DSC3: variants seen among roughly 807,000 people sequenced by gnomAD.
The protein encoded by DSC3 is desmocollin 3.
A neutral mutation model predicts 89.5 loss-of-function variants in DSC3; 97 were observed. That is an observed-to-expected ratio of 1.08 (90% CI 0.92 to 1.28). The LOEUF (loss-of-function observed/expected upper bound fraction) is 1.28. Ranked by LOEUF, DSC3 falls within the 50% of genes most tolerant of loss-of-function variation. DSC3 has a pLI of 0.00. For synonymous variants in DSC3, 436 were observed against 384.1 expected (o/e 1.14, Z -1.58); for missense variants, 1,199 against 1,085.3 (o/e 1.10, Z -1.47).
Position 31,034,264 on chromosome 18 carries a change from T to C in DSC3, c.70-1988A>G, listed in dbSNP as rs564167154. ...ATTATCCCAAAAAAAGATATTAAAA[T>C]GGCCAAAAAGTAGATGAAAAGATGC... On this transcript the variant is annotated intron_variant, in intron 1 of 15. Coordinates refer to ENST00000360428, the MANE Select transcript of DSC3 (RefSeq NM_001941.5). Among the ~76,000 whole-genome samples the C allele has an allele frequency of 1.8e-4, 27 of 152,174 alleles. No homozygotes were observed. In the South Asian group the frequency reaches 5.4e-3, roughly 30 times the overall value.
intron 14 of DSC3, among the ~76,000 whole-genome samples, chr18:31,001,019 T>A (rs995192551): frequency 1.1e-4 from 17 of 149,212 alleles, no homozygotes; most frequent in Admixed American, 1.1e-3. Flanking sequence ...ACTTTGTGTG[T>A]ATATATATAT....
Position 30,990,848 on chromosome 18 carries a change from T to C in DSC3, c.*3327A>G, listed in dbSNP as rs1273543197. The C allele has an allele frequency of 3.3e-5, 5 of 152,216 alleles. No individual in the cohort carries two copies. Among genetic ancestry groups the C allele is most frequent in the African/African-American group, 4.8e-5 (2 of 41,448 alleles). 9.4% of individuals were successfully genotyped at this position (152,216 alleles called of 1,614,324 possible). A position where few individuals can be genotyped will look rare whatever the true frequency, so the allele number is the denominator to read the frequency against. Reference sequence around the variant, plus strand: ...TATTATACATATGTATCATAGATACTCATCTGTAAAGCTGTGCTTCAAAAT... The same window carrying C: ...TATTATACATATGTATCATAGATACCCATCTGTAAAGCTGTGCTTCAAAAT... On this transcript the variant is annotated 3_prime_UTR_variant, in exon 16 of 16. Coordinates refer to ENST00000360428, the MANE Select transcript of DSC3 (RefSeq NM_001941.5).
In DSC3 at chr18:30,998,429, A is replaced by G. The variant is rs145266912; in HGVS notation, c.2236-1381T>C. On this transcript the variant is annotated intron_variant, in intron 14 of 15. Coordinates refer to ENST00000360428, the MANE Select transcript of DSC3 (RefSeq NM_001941.5). ...GAGAGTGAGCAACTAAAGTTTGAAC[A>G]TGGTAAACATTAGAAACATGTGGGA... Among the ~76,000 whole-genome samples the G allele has an allele frequency of 2.0e-5, 3 of 152,342 alleles. No homozygotes were observed. In the East Asian group the frequency reaches 5.8e-4, roughly 29 times the overall value.
At position 31,008,543 on chromosome 18, in the gene DSC3, T is replaced by C. The variant is rs1038373054; in HGVS notation, c.1264-18A>G. 11 of 1,613,102 alleles carry C rather than the reference T, an allele frequency of 6.8e-6. No homozygotes were observed. The highest frequency in any genetic ancestry group is 8.5e-6 in the Non-Finnish European group (10 of 1,179,976). On this transcript the variant is annotated intron_variant, in intron 9 of 15. Transcript: ENST00000360428. The stretch of plus-strand genomic sequence containing the variant: ...TTCAGTGGCTTTAAAATAAAGTCCA[T>C]GTATATCAGTGTCAGTGTAAAATAC...
chr18:31,034,708 C>G (rs1985915421), intron 1 of DSC3, among the ~76,000 whole-genome samples: 1 of 152,046 alleles, frequency 6.6e-6, no homozygotes, highest in Admixed American at 6.6e-5. Flanking sequence ...AAAACATACT[C>G]GGTGAAAGAA....
intron 9 of DSC3, among the ~76,000 whole-genome samples, chr18:31,010,611 C>T (rs925999264): frequency 5.3e-5 from 8 of 152,128 alleles, no homozygotes; most frequent in African/African-American, 1.7e-4. Context: ...CCTCAGGGTA[C>T]GTTTTTGTTT....
chr18:31,001,391 A>G (rs1253124654), intron 14 of DSC3, among the ~76,000 whole-genome samples: 2 of 152,014 alleles, frequency 1.3e-5, no homozygotes, highest in African/African-American at 4.8e-5. Context: ...AACAAGTTTA[A>G]ACTATGACAC....
chr18:31,035,979 G>T (rs1985956472), intron 1 of DSC3, among the ~76,000 whole-genome samples: 1 of 152,018 alleles, frequency 6.6e-6, no homozygotes, highest in South Asian at 2.1e-4. Flanking sequence ...GTATGTTTGA[G>T]ATTTTTCCAT....
In DSC3 at chr18:31,007,504, T is replaced by A. The variant is rs184208720; in HGVS notation, c.1664-373A>T. 3.7e-4 allele frequency among the ~76,000 whole-genome samples: 57 copies of A among 152,304 alleles called. No homozygotes were observed. In the East Asian group the frequency reaches 9.2e-3, roughly 25 times the overall value. ...ATTCAAACCACTAGGAAGATTTTTT[T>A]AAAATATAAGATTCCTAGGCTCCAC... On this transcript the variant is annotated intron_variant, in intron 11 of 15. Coordinates refer to ENST00000360428, the MANE Select transcript of DSC3 (RefSeq NM_001941.5).
intron 9 of DSC3, among the ~76,000 whole-genome samples, chr18:31,010,429 C>T (rs73952549): frequency 0.019 from 2,945 of 152,234 alleles, 77 homozygotes; most frequent in African/African-American, 0.068. Context: ...AATCCAGAAA[C>T]ACTCGCTGAA....
chr18:30,989,497 G>T lies in DSC3; in HGVS notation c.*4678C>A, dbSNP rs1290844270. On this transcript the variant is annotated 3_prime_UTR_variant, in exon 16 of 16. Coordinates refer to ENST00000360428, the MANE Select transcript of DSC3 (RefSeq NM_001941.5). ...ACTGCTTAAAAGGTTTCCTCTTGGG[G>T]TGATGAAAATGTTCCAGAACTAGAT... 6.6e-6 allele frequency among the ~76,000 whole-genome samples: 1 copy of T among 152,140 alleles called. No individual in the cohort carries two copies. The highest frequency in any genetic ancestry group is 1.5e-5 in the Non-Finnish European group (1 of 68,026).
In DSC3 at chr18:30,989,441, G is replaced by A. The variant is rs1984159462; in HGVS notation, c.*4734C>T. On this transcript the variant is annotated 3_prime_UTR_variant, in exon 16 of 16. Coordinates refer to ENST00000360428, the MANE Select transcript of DSC3 (RefSeq NM_001941.5). ...CAGAAAAGATATCAGTGGTTGCCAG[G>A]GGATAATGCAGGGAGGGGAAGAGGA... 6.6e-6 allele frequency among the ~76,000 whole-genome samples: 1 copy of A among 152,118 alleles called. No homozygotes were observed. Among genetic ancestry groups the A allele is most frequent in the Admixed American group, 6.5e-5 (1 of 15,272 alleles).
Position 30,995,417 on chromosome 18 carries a change from C to T in DSC3, c.2494-1045G>A, listed in dbSNP as rs142427688. Reference sequence around the variant, plus strand: ...TGCTATGGATACATAACCTACAGCCCTATACCAGAGTATCACCCATTTGCA... The same window carrying T: ...TGCTATGGATACATAACCTACAGCCTTATACCAGAGTATCACCCATTTGCA... On this transcript the variant is annotated intron_variant, in intron 15 of 15. Coordinates refer to ENST00000360428, the MANE Select transcript of DSC3 (RefSeq NM_001941.5). Among the ~76,000 whole-genome samples the T allele has an allele frequency of 5.1e-3, 783 of 152,296 alleles. 6 individuals carry two copies. The highest frequency in any genetic ancestry group is 0.017 in the African/African-American group (727 of 41,544).
chr18:30,999,579 G>A (rs1391492666), intron 14 of DSC3, among the ~76,000 whole-genome samples: 1 of 152,102 alleles, frequency 6.6e-6, no homozygotes, highest in African/African-American at 2.4e-5. Flanking sequence ...GCAATGCTGA[G>A]CCTACAGGGC....
In DSC3 at chr18:31,004,400, G is replaced by C. The variant is rs1399633248; in HGVS notation, c.1889-34C>G. 2.5e-6 allele frequency: 4 copies of C among 1,576,322 alleles called. No homozygotes were observed. The African/African-American group carries it at 4.1e-5, about 16-fold the overall frequency. On this transcript the variant is annotated intron_variant, in intron 12 of 15. Transcript: ENST00000360428. ...AAATAAAAGAAGTTTATTTTTTAAT[G>C]ATCATTTATTCTTCCCTTAGCATTT...
At chr18:31,028,995 T>G (rs1004722231) in intron 4 of DSC3, among the ~76,000 whole-genome samples, 1 of 152,060 alleles carries the variant, frequency 6.6e-6, no homozygotes, top group East Asian at 1.9e-4. Flanking sequence ...GCAGAAAAAT[T>G]TTCCATTCTT....
chr18:31,024,479 CG>C lies in DSC3; in HGVS notation c.644del (p.Ala215GlyfsTer19). 6.2e-7 allele frequency: 1 copy of C among 1,612,484 alleles called. No individual in the cohort carries two copies. The highest frequency in any genetic ancestry group is 8.5e-7 in the Non-Finnish European group (1 of 1,179,234). On this transcript the variant is annotated frameshift_variant, in exon 6 of 16. Coordinates refer to ENST00000360428, the MANE Select transcript of DSC3 (RefSeq NM_001941.5). LOFTEE classifies it high-confidence loss of function. The part of the protein sequence containing the change: ...EYDVFDLIAY[A>X]STADGYSADL... ...CTGCTGAATATCCATCTGCAGTTGA[CG>C]CATAAGCAATCAACTGCAAAATAGC...
In DSC3 at chr18:31,022,504, T is replaced by C. The variant is rs1341540221; in HGVS notation, c.776-2A>G. ...CACAAACCACCCCCACTGTAGTACC[T>C]ACACATTAAAAAATAAAACAGCCTT... is the stretch of plus-strand genomic sequence containing the variant. On this transcript the variant is annotated splice_acceptor_variant, in intron 6 of 15. Coordinates refer to ENST00000360428, the MANE Select transcript of DSC3 (RefSeq NM_001941.5). LOFTEE classifies it high-confidence loss of function. 2 of 1,613,868 alleles carry C rather than the reference T, an allele frequency of 1.2e-6. No individual in the cohort carries two copies. Among genetic ancestry groups the C allele is most frequent in the African/African-American group, 2.7e-5 (2 of 74,918 alleles).
chr18:31,024,305 G>T (rs1985520431), intron 6 of DSC3, 44 bp downstream of exon 6: 1 of 1,522,664 alleles, frequency 6.6e-7, no homozygotes, highest in African/African-American at 1.4e-5. Context: ...AATGTACACA[G>T]ACATATTTAA....
Sources: allele counts gnomAD v4.1 joint callset (sites outside exome capture counted in the v4.1 genomes callset), GRCh38; gene constraint gnomAD v4.1.1; transcripts MANE v1.5; gene names NCBI Gene and HGNC (gene_info 2026-07-23, HGNC 2026-07-21).